COL26A1: variants seen among roughly 807,000 people sequenced by gnomAD.
The protein encoded by COL26A1 is collagen type XXVI alpha 1 chain.
In COL26A1, 41 loss-of-function variants were observed where a neutral mutation model predicts 59.3. The observed-to-expected ratio is 0.69, with a 90% CI of 0.54 to 0.90. The LOEUF (loss-of-function observed/expected upper bound fraction) is 0.90. Among genes scored for constraint, COL26A1 ranks in the 40% least tolerant of loss-of-function variants. The pLI is 0.00. For synonymous variants in COL26A1, 266 were observed against 256.0 expected (o/e 1.04, Z -0.37); for missense variants, 612 against 602.3 (o/e 1.02, Z -0.17).
At chr7:101,383,407 C>A (rs1053962492) in intron 1 of COL26A1, among the ~76,000 whole-genome samples, 3 of 151,652 alleles carry the variant, frequency 2.0e-5, no homozygotes, top group African/African-American at 7.3e-5. Flanking sequence ...ACTTTTGTTG[C>A]CCAGGCTGGA....
chr7:101,405,827 A>C (rs1792115697), intron 1 of COL26A1, among the ~76,000 whole-genome samples: 1 of 152,188 alleles, frequency 6.6e-6, no homozygotes, highest in Non-Finnish European at 1.5e-5. Flanking sequence ...TGGAAAACTC[A>C]ATCCATCAGT....
chr7:101,482,975 CAG>C (rs1446659114), intron 3 of COL26A1, among the ~76,000 whole-genome samples: 2 of 151,998 alleles, frequency 1.3e-5, no homozygotes, highest in Non-Finnish European at 2.9e-5. Flanking sequence ...AAAAACAAAA[CAG>C]AGTTCCTTAG....
At chr7:101,509,229 G>A (rs1252147278) in intron 3 of COL26A1, among the ~76,000 whole-genome samples, 1 of 152,132 alleles carries the variant, frequency 6.6e-6, no homozygotes, top group Non-Finnish European at 1.5e-5. Context: ...CGGATGATTT[G>A]AGGTCAGGAG....
intron 3 of COL26A1, among the ~76,000 whole-genome samples, chr7:101,455,159 C>T (rs144750830): frequency 0.025 from 3,748 of 151,524 alleles, 71 homozygotes; most frequent in South Asian, 0.039. Context: ...CCTCCCACCT[C>T]AGCCTCCCAA....
chr7:101,452,822 T>A (rs1450943666), intron 3 of COL26A1, among the ~76,000 whole-genome samples: 1 of 151,964 alleles, frequency 6.6e-6, no homozygotes, highest in East Asian at 1.9e-4. Flanking sequence ...TGAAGTGCAG[T>A]GGTGTGATCT....
chr7:101,395,506 C>G (rs1791834282), intron 1 of COL26A1, among the ~76,000 whole-genome samples: 1 of 152,156 alleles, frequency 6.6e-6, no homozygotes, highest in South Asian at 2.1e-4. Flanking sequence ...TGGGATGAGG[C>G]TAGGTGGGAA....
chr7:101,385,383 A>G (rs1264307475), intron 1 of COL26A1, among the ~76,000 whole-genome samples: 2 of 148,632 alleles, frequency 1.3e-5, no homozygotes, highest in African/African-American at 2.4e-5. Context: ...ATATATATAT[A>G]TATTTGTGAC....
intron 1 of COL26A1, among the ~76,000 whole-genome samples, chr7:101,391,521 C>CT (rs1750691981): frequency 6.6e-6 from 1 of 152,114 alleles, no homozygotes; most frequent in Non-Finnish European, 1.5e-5. Flanking sequence ...CTATGGTTCT[C>CT]TGGAAGGAGA....
At chr7:101,431,040 GATCCA>G (rs2130317279) in intron 2 of COL26A1, among the ~76,000 whole-genome samples, 1 of 152,030 alleles carries the variant, frequency 6.6e-6, no homozygotes, top group South Asian at 2.1e-4. Context: ...GGCCTCAAGT[GATCCA>G]CCTGCCTCAG....
chr7:101,371,756 C>T lies in COL26A1; in HGVS notation c.158+8566C>T, dbSNP rs1003817725. The stretch of plus-strand genomic sequence containing the variant: ...GCAGTGAGCTATGATTACACCACTG[C>T]GCTCCAGCCTGGGTGACAGAGTGAG... On this transcript the variant is annotated intron_variant, in intron 1 of 12. Coordinates refer to ENST00000313669, the MANE Select transcript of COL26A1 (RefSeq NM_001278563.3). Among the ~76,000 whole-genome samples, 5 of 152,140 alleles carry T rather than the reference C, an allele frequency of 3.3e-5. No individual in the cohort carries two copies. In the East Asian group the frequency reaches 7.7e-4, roughly 23 times the overall value.
chr7:101,551,237 G>GGGGGGGGGGGGGGGGGGC, intron 10 of COL26A1, 94 bp downstream of exon 10: 4 of 386,358 alleles, frequency 1.0e-5, no homozygotes, highest in Non-Finnish European at 2.0e-5. Flanking sequence ...TGGTGGGGGG[G>GGGGGGGGGGGGGGGGGGC]TTCAGCCCTG....
intron 3 of COL26A1, among the ~76,000 whole-genome samples, chr7:101,461,989 C>T (rs567103979): frequency 1.6e-4 from 23 of 144,012 alleles, no homozygotes; most frequent in African/African-American, 4.4e-4. Flanking sequence ...TGTCTATCCA[C>T]GGAGCACTTT....
At chr7:101,472,266 A>C (rs1457655563) in intron 3 of COL26A1, among the ~76,000 whole-genome samples, 1 of 152,184 alleles carries the variant, frequency 6.6e-6, no homozygotes, top group African/African-American at 2.4e-5. Context: ...TTGGCCTCCC[A>C]AAGTGCTGGG....
chr7:101,473,875 C>T (rs1793970626), intron 3 of COL26A1, among the ~76,000 whole-genome samples: 1 of 151,580 alleles, frequency 6.6e-6, no homozygotes, highest in Non-Finnish European at 1.5e-5. Flanking sequence ...AAAGATATTT[C>T]AAGCAAGCTA....
At chr7:101,550,463 T>TA (rs957970225) in intron 9 of COL26A1, among the ~76,000 whole-genome samples, 9 of 151,772 alleles carry the variant, frequency 5.9e-5, no homozygotes, top group Admixed American at 1.3e-4. Flanking sequence ...CCTGTCTCAT[T>TA]AAAAAAAATT....
chr7:101,499,854 T>G (rs1284297414), intron 3 of COL26A1, among the ~76,000 whole-genome samples: 1 of 145,914 alleles, frequency 6.9e-6, no homozygotes, highest in African/African-American at 2.6e-5. Context: ...CACTCCAACC[T>G]GGGTGATAGA....
chr7:101,537,213 C>T (rs1167851203), intron 4 of COL26A1, among the ~76,000 whole-genome samples: 4 of 152,224 alleles, frequency 2.6e-5, no homozygotes, highest in Non-Finnish European at 4.4e-5. Context: ...TTTCTGCCAC[C>T]CTCTATTCCT....
At chr7:101,477,720 GAC>G (rs1794079984) in intron 3 of COL26A1, among the ~76,000 whole-genome samples, 1 of 152,156 alleles carries the variant, frequency 6.6e-6, no homozygotes, top group South Asian at 2.1e-4. Flanking sequence ...AGGACACAGA[GAC>G]ATCCTCTTTC....
At chr7:101,382,765 G>A (rs28759108) in intron 1 of COL26A1, among the ~76,000 whole-genome samples, 9,334 of 152,166 alleles carry the variant, frequency 0.061, 661 homozygotes, top group African/African-American at 0.16. Flanking sequence ...CAGGTTTATG[G>A]CCAAGCTTGG....
Sources: allele counts gnomAD v4.1 joint callset (sites outside exome capture counted in the v4.1 genomes callset), GRCh38; gene constraint gnomAD v4.1.1; transcripts MANE v1.5; gene names NCBI Gene and HGNC (gene_info 2026-07-23, HGNC 2026-07-21).